RIMS2: variants seen among roughly 807,000 people sequenced by gnomAD.
RIMS2 encodes regulating synaptic membrane exocytosis protein 2.
In RIMS2, 59 loss-of-function variants were observed where a neutral mutation model predicts 174.4. The observed-to-expected ratio is 0.34, with a 90% CI of 0.27 to 0.42. The LOEUF (loss-of-function observed/expected upper bound fraction) is 0.42, where lower values mean the gene tolerates loss of function less well. Among genes scored for constraint, RIMS2 ranks in the 10% least tolerant of loss-of-function variants. The pLI is 1.00. For synonymous variants in RIMS2, 606 were observed against 572.5 expected, an observed-to-expected ratio of 1.06 and a Z score of -0.84; for missense variants, 1,620 against 1,666.3, an observed-to-expected ratio of 0.97 and a Z score of 0.48.
intron 1 of RIMS2, among the ~76,000 whole-genome samples, chr8:103,661,680 A>G (rs1050480957): frequency 3.3e-5 from 5 of 151,782 alleles, no homozygotes; most frequent in Admixed American, 1.3e-4. Context: ...ATTTTTTTGT[A>G]TTTTTAGTAG....
intron 19 of RIMS2, among the ~76,000 whole-genome samples, chr8:104,110,566 T>A (rs2098162861): frequency 6.6e-6 from 1 of 152,178 alleles, no homozygotes; most frequent in Non-Finnish European, 1.5e-5. Flanking sequence ...TCCCATGGGT[T>A]CTCTTGTTAA....
intron 7 of RIMS2, among the ~76,000 whole-genome samples, chr8:103,915,926 C>T (rs1195087709): frequency 1.3e-5 from 2 of 151,804 alleles, no homozygotes; most frequent in Non-Finnish European, 2.9e-5. Flanking sequence ...TATTTCCTAC[C>T]GTGTGTGTCA....
chr8:103,657,874 T>G (rs751744448), intron 1 of RIMS2, among the ~76,000 whole-genome samples: 4 of 152,152 alleles, frequency 2.6e-5, no homozygotes, highest in Non-Finnish European at 2.9e-5. Flanking sequence ...AATAGAGGTG[T>G]GGGTTTTCTG....
chr8:103,695,249 T>A (rs1392534791), intron 1 of RIMS2, among the ~76,000 whole-genome samples: 1 of 152,160 alleles, frequency 6.6e-6, no homozygotes, highest in Non-Finnish European at 1.5e-5. Context: ...CTCATGAAGG[T>A]GTTTTCACAT....
intron 1 of RIMS2, among the ~76,000 whole-genome samples, chr8:103,669,595 C>T (rs1271317373): frequency 6.6e-6 from 1 of 152,188 alleles, no homozygotes; most frequent in Non-Finnish European, 1.5e-5. Flanking sequence ...ATAAATACAG[C>T]CATTCCCAAT....
intron 2 of RIMS2, among the ~76,000 whole-genome samples, chr8:103,708,462 T>C (rs2097261152): frequency 6.6e-6 from 1 of 152,210 alleles, no homozygotes; most frequent in Admixed American, 6.5e-5. Flanking sequence ...GTTATTACGC[T>C]AAAACTAGGT....
chr8:104,191,033 A>C (rs1171586867), intron 19 of RIMS2, among the ~76,000 whole-genome samples: 1 of 151,848 alleles, frequency 6.6e-6, no homozygotes, highest in Non-Finnish European at 1.5e-5. Context: ...TGGTCATTTC[A>C]TAAGAAGGGC....
intron 19 of RIMS2, among the ~76,000 whole-genome samples, chr8:104,044,850 A>T (rs974653726): frequency 6.6e-6 from 1 of 151,750 alleles, no homozygotes; most frequent in African/African-American, 2.4e-5. Context: ...CTAGAGATAA[A>T]TAAAGACTAA....
intron 1 of RIMS2, among the ~76,000 whole-genome samples, chr8:103,552,184 C>T (rs1848279560): frequency 6.6e-6 from 1 of 152,134 alleles, no homozygotes; most frequent in Non-Finnish European, 1.5e-5. Context: ...AGGCATCATG[C>T]TACCTGACTT....
chr8:103,999,724 A>G (rs866536308), intron 17 of RIMS2, among the ~76,000 whole-genome samples: 3 of 151,684 alleles, frequency 2.0e-5, no homozygotes, highest in Non-Finnish European at 3.0e-5. Context: ...GTATTTTCTT[A>G]GTCTCAGTTA....
chr8:103,922,433 A>G (rs554869086), intron 10 of RIMS2, among the ~76,000 whole-genome samples: 1 of 152,110 alleles, frequency 6.6e-6, no homozygotes, highest in East Asian at 1.9e-4. Flanking sequence ...TACAAATCTA[A>G]GTCTTTACTT....
At chr8:103,697,428 GC>G in intron 2 of RIMS2, 132 bp downstream of exon 4, 1 of 765,874 alleles carries the variant, frequency 1.3e-6, no homozygotes, top group Non-Finnish European at 2.2e-6. Flanking sequence ...AATGCTTGTG[GC>G]CAGACACGAT....
chr8:103,558,014 C>A (rs1291005350), intron 1 of RIMS2, among the ~76,000 whole-genome samples: 2 of 151,976 alleles, frequency 1.3e-5, no homozygotes, highest in Non-Finnish European at 2.9e-5. Flanking sequence ...GTAAAAATTT[C>A]TGTGATCTTA....
At chr8:103,656,315 C>A (rs2096530929) in intron 1 of RIMS2, among the ~76,000 whole-genome samples, 1 of 152,000 alleles carries the variant, frequency 6.6e-6, no homozygotes, top group African/African-American at 2.4e-5. Context: ...TTATAATTAT[C>A]CAGCATTAAA....
chr8:103,964,827 T>C (rs1191940057), intron 15 of RIMS2, among the ~76,000 whole-genome samples: 4 of 152,214 alleles, frequency 2.6e-5, no homozygotes, highest in Non-Finnish European at 5.9e-5. Flanking sequence ...TGATGCATTT[T>C]TGAAGAGTGT....
chr8:103,845,820 T>G (rs573326085), intron 3 of RIMS2, among the ~76,000 whole-genome samples: 5 of 152,228 alleles, frequency 3.3e-5, no homozygotes, highest in Admixed American at 2.6e-4. Context: ...CAAAGGCAGC[T>G]ATTTATCCAG....
chr8:103,960,949 A>AT (rs2089823895), intron 14 of RIMS2, 116 bp from the exon 17 acceptor site: 4 of 700,644 alleles, frequency 5.7e-6, no homozygotes, highest in Non-Finnish European at 5.1e-6. Flanking sequence ...TTCTGTACAT[A>AT]TTTTTTGTTA....
intron 2 of RIMS2, among the ~76,000 whole-genome samples, chr8:103,765,671 G>T (rs12541956): frequency 0.16 from 23,915 of 151,070 alleles, 1,993 homozygotes; most frequent in Middle Eastern, 0.25. Context: ...ATATAATTGC[G>T]GTTAGAATGT....
At chr8:104,210,304 A>G (rs750376184) in intron 19 of RIMS2, among the ~76,000 whole-genome samples, 1 of 152,220 alleles carries the variant, frequency 6.6e-6, no homozygotes, top group Non-Finnish European at 1.5e-5. Context: ...TTGACATCAT[A>G]GTAAGAATAA....
Sources: allele counts gnomAD v4.1 joint callset (sites outside exome capture counted in the v4.1 genomes callset), GRCh38; gene constraint gnomAD v4.1.1; transcripts MANE v1.5; gene names NCBI Gene and HGNC (gene_info 2026-07-23, HGNC 2026-07-21).